The following STAM2 variants were observed in gnomAD, a reference collection of about 807,000 sequenced individuals.
The protein encoded by STAM2 is signal transducing adaptor molecule 2, also known as signal transducing adapter molecule 2.
STAM2 carries 51 observed loss-of-function variants against 65.6 expected under a neutral mutation model. That is an observed-to-expected ratio of 0.78 (90% CI 0.62 to 0.98). The LOEUF (loss-of-function observed/expected upper bound fraction) is 0.98. Among genes scored for constraint, STAM2 ranks in the 50% least tolerant of loss-of-function variants. The pLI is 0.00. For synonymous variants in STAM2, 198 were observed against 208.4 expected (o/e 0.95, Z 0.43); for missense variants, 584 against 617.8 (o/e 0.95, Z 0.58).
chr2:152,120,840 T>C (rs1560207879), intron 13 of STAM2, 38 bp from the exon 14 acceptor site: 1 of 1,509,812 alleles, frequency 6.6e-7, no homozygotes, highest in Non-Finnish European at 9.2e-7. Context: ...CATATTTACT[T>C]TGCAATATAT....
At chr2:152,159,408 C>T (rs1689617684) in intron 1 of STAM2, among the ~76,000 whole-genome samples, 1 of 151,892 alleles carries the variant, frequency 6.6e-6, no homozygotes, top group African/African-American at 2.4e-5. Flanking sequence ...TTGCAGGAAA[C>T]CACAATGATA....
intron 1 of STAM2, among the ~76,000 whole-genome samples, chr2:152,151,579 T>C (rs1457786448): frequency 1.6e-4 from 24 of 152,236 alleles, no homozygotes; most frequent in Admixed American, 1.6e-3. Flanking sequence ...ACTATATTCA[T>C]AGAGTTGTAC....
chr2:152,131,865 A>G, intron 11 of STAM2: 1 of 474,394 alleles, frequency 2.1e-6, no homozygotes, highest in Non-Finnish European at 3.8e-6. Context: ...AGCATGCTAG[A>G]ACAGACTGGT....
chr2:152,137,773 T>C (rs1352999564), intron 7 of STAM2, among the ~76,000 whole-genome samples: 3 of 152,130 alleles, frequency 2.0e-5, no homozygotes, highest in East Asian at 1.9e-4. Context: ...CTTTAATTCA[T>C]TTGGAATGAA....
Position 152,175,701 on chromosome 2 carries a change from C to A in STAM2, c.-59G>T. On this transcript the variant is annotated 5_prime_UTR_variant, in exon 1 of 14. Coordinates refer to ENST00000263904, the MANE Select transcript of STAM2 (RefSeq NM_005843.6). ...TAGCTGACACTCAGCAACTGCTACC[C>A]GCCGGGTGACCCGCGGCCGCGGCTC... 2 of 1,567,816 alleles carry A rather than the reference C, an allele frequency of 1.3e-6. No individual in the cohort carries two copies. Among genetic ancestry groups the A allele is most frequent in the East Asian group, 2.4e-5 (1 of 42,152 alleles).
chr2:152,132,076 C>T (rs1560212079), intron 11 of STAM2, 38 bp downstream of exon 11: 2 of 1,515,410 alleles, frequency 1.3e-6, no homozygotes, highest in South Asian at 2.3e-5. Context: ...GTGAACCCCC[C>T]AAAACTATAC....
chr2:152,123,068 C>G (rs1353900369), intron 13 of STAM2, among the ~76,000 whole-genome samples: 2 of 149,746 alleles, frequency 1.3e-5, no homozygotes, highest in African/African-American at 2.5e-5. Context: ...GAGACCTTGT[C>G]TTAAAAAAAA....
chr2:152,126,879 A>G (rs1213442851), intron 11 of STAM2, among the ~76,000 whole-genome samples: 1 of 152,322 alleles, frequency 6.6e-6, no homozygotes, highest in Non-Finnish European at 1.5e-5. Flanking sequence ...GCAAAGAAAT[A>G]TAACTTTGTA....
intron 11 of STAM2, among the ~76,000 whole-genome samples, chr2:152,127,546 A>G (rs1226168190): frequency 1.3e-5 from 2 of 152,124 alleles, no homozygotes; most frequent in Non-Finnish European, 2.9e-5. Context: ...CTTGTTAAAA[A>G]AAAACCACAC....
At chr2:152,172,888 A>G (rs1441076820) in intron 1 of STAM2, among the ~76,000 whole-genome samples, 2 of 151,884 alleles carry the variant, frequency 1.3e-5, no homozygotes, top group East Asian at 3.8e-4. Context: ...GAAAAAGAAA[A>G]AAGAAAAGGT....
chr2:152,125,547 G>A (rs914608509), intron 12 of STAM2, among the ~76,000 whole-genome samples: 6 of 152,150 alleles, frequency 3.9e-5, no homozygotes, highest in Non-Finnish European at 8.8e-5. Flanking sequence ...ACTGACAAAT[G>A]TAAGTATTCG....
chr2:152,152,663 A>G (rs1689468044), intron 1 of STAM2, among the ~76,000 whole-genome samples: 1 of 152,238 alleles, frequency 6.6e-6, no homozygotes, highest in Admixed American at 6.5e-5. Flanking sequence ...CCTTTGGTGT[A>G]TATCTAGGAG....
intron 7 of STAM2, among the ~76,000 whole-genome samples, chr2:152,137,527 T>C (rs928204504): frequency 2.2e-4 from 33 of 152,200 alleles, no homozygotes; most frequent in African/African-American, 7.7e-4. Flanking sequence ...CAGCAGTTGT[T>C]TGTCTGAATT....
intron 6 of STAM2, 123 bp from the exon 7 acceptor site, chr2:152,144,136 G>T: frequency 2.2e-3 from 979 of 441,040 alleles, no homozygotes; most frequent in East Asian, 6.3e-3. Context: ...ACATGCTACA[G>T]TTAACTTTCG....
At chr2:152,174,759 T>C (rs1215276030) in intron 1 of STAM2, among the ~76,000 whole-genome samples, 1 of 152,140 alleles carries the variant, frequency 6.6e-6, no homozygotes, top group East Asian at 1.9e-4. Flanking sequence ...AGGTGGAGGC[T>C]GAGGTGGGAG....
chr2:152,139,270 C>G (rs371684314), intron 7 of STAM2, among the ~76,000 whole-genome samples: 4 of 152,120 alleles, frequency 2.6e-5, no homozygotes, highest in African/African-American at 9.6e-5. Flanking sequence ...AAAAATGATA[C>G]AAGTGTAAAG....
chr2:152,124,088 G>C, intron 12 of STAM2, 153 bp from the exon 13 acceptor site: 1 of 632,092 alleles, frequency 1.6e-6, no homozygotes, highest in Non-Finnish European at 2.6e-6. Context: ...ACTAAAAGTG[G>C]AGAGCTGTCA....
At chr2:152,122,673 A>C (rs1444835146) in intron 13 of STAM2, among the ~76,000 whole-genome samples, 3 of 152,158 alleles carry the variant, frequency 2.0e-5, no homozygotes, top group Non-Finnish European at 4.4e-5. Context: ...GATCATCTAC[A>C]TATGATTATA....
chr2:152,128,005 A>G (rs1023576537), intron 11 of STAM2, among the ~76,000 whole-genome samples: 8 of 152,168 alleles, frequency 5.3e-5, no homozygotes, highest in African/African-American at 1.4e-4. Context: ...GAGTCCTATC[A>G]AGATTTGTCA....
Sources: allele counts gnomAD v4.1 joint callset (sites outside exome capture counted in the v4.1 genomes callset), GRCh38; gene constraint gnomAD v4.1.1; transcripts MANE v1.5; gene names NCBI Gene and HGNC (gene_info 2026-07-23, HGNC 2026-07-21).